The following ELAC2 variants were observed in gnomAD, a reference collection of about 807,000 sequenced individuals.
The protein encoded by ELAC2 is zinc phosphodiesterase ELAC protein 2.
A neutral mutation model predicts 105.2 loss-of-function variants in ELAC2; 92 were observed. The observed-to-expected ratio is 0.87, with a 90% CI of 0.74 to 1.04. The LOEUF (loss-of-function observed/expected upper bound fraction) is 1.04, where lower values mean the gene tolerates loss of function less well. ELAC2 is among the 50% of genes least tolerant of loss of function. The probability of loss-of-function intolerance (pLI) is 0.00; values close to 1 mark genes in which losing one functional copy is unlikely to be tolerated. For missense variants in ELAC2, 1,099 were observed against 1,071.7 expected (o/e 1.03, Z -0.36); for synonymous variants, 468 against 409.1 (o/e 1.14, Z -1.74).
rs759010548 is a variant in ELAC2, at chr17:12,992,149, TGATA to T, written c.*665_*668del. On this transcript the variant is annotated 3_prime_UTR_variant, in exon 24 of 24. Coordinates refer to ENST00000338034, the MANE Select transcript of ELAC2 (RefSeq NM_018127.7). ...TGATTTGATTGATTGATTGATTGATTGATAGAGAAAGCACGCCCTGCTGTGAGCT... is the reference window on the plus strand; with the variant it reads ...TGATTTGATTGATTGATTGATTGATTGAGAAAGCACGCCCTGCTGTGAGCT... Among the ~76,000 whole-genome samples, 100 of 130,070 alleles carry T rather than the reference TGATA, an allele frequency of 7.7e-4. No homozygotes were observed. The highest frequency in any genetic ancestry group is 4.3e-3 in the Middle Eastern group (1 of 232). The allele number at this position is 130,070 out of a possible 152,430, so 85.3% of individuals were successfully genotyped here.
intron 4 of ELAC2, among the ~76,000 whole-genome samples, chr17:13,014,930 G>A (rs570313862): frequency 6.6e-6 from 1 of 152,214 alleles, no homozygotes; most frequent in Non-Finnish European, 1.5e-5. Context: ...GCGGAAGGGC[G>A]AAAGTCCTGA....
At chr17:13,017,522 C>T in intron 1 of ELAC2, 181 bp downstream of exon 1, 1 of 1,267,888 alleles carries the variant, frequency 7.9e-7, no homozygotes, top group East Asian at 2.5e-5. Flanking sequence ...TTCACAGATC[C>T]GCAGAAATCA....
chr17:13,002,966 G>T (rs370363778), intron 12 of ELAC2, among the ~76,000 whole-genome samples: 3 of 152,140 alleles, frequency 2.0e-5, no homozygotes, highest in Non-Finnish European at 4.4e-5. Flanking sequence ...AGGTCACCCC[G>T]CACCCGAGCT....
intron 7 of ELAC2, among the ~76,000 whole-genome samples, chr17:13,010,941 C>T (rs1394242839): frequency 6.6e-6 from 1 of 152,128 alleles, no homozygotes; most frequent in Non-Finnish European, 1.5e-5. Context: ...ACACATTTCA[C>T]CTAGGACTGG....
intron 4 of ELAC2, 151 bp downstream of exon 4, chr17:13,015,616 AG>A (rs1445763797): frequency 1.4e-6 from 1 of 690,422 alleles, no homozygotes; most frequent in African/African-American, 1.8e-5. Context: ...ATAGTTAATC[AG>A]AACTCAAGTC....
Position 13,016,934 on chromosome 17 carries a change from T to A in ELAC2, c.297-2A>T, listed in dbSNP as rs996626765. 159 of 1,613,750 alleles carry A rather than the reference T, an allele frequency of 9.9e-5. No homozygotes were observed. Among genetic ancestry groups the A allele is most frequent in the Non-Finnish European group, 1.2e-4 (140 of 1,179,942 alleles). Reference sequence around the variant, plus strand: ...TTGTCCAGGCGAGCAACCTTTAACCTAAGAATGAAAAAACATTTAAACAGG... The same window carrying A: ...TTGTCCAGGCGAGCAACCTTTAACCAAAGAATGAAAAAACATTTAAACAGG... On this transcript the variant is annotated splice_acceptor_variant, in intron 2 of 23. Transcript: ENST00000338034. LOFTEE classifies it high-confidence loss of function.
intron 8 of ELAC2, chr17:13,006,510 A>T (rs1002310475): frequency 2.0e-4 from 33 of 165,908 alleles, no homozygotes; most frequent in African/African-American, 7.0e-4. Context: ...AATGACTTAA[A>T]TCAGTGTTTT....
chr17:13,001,500 T>A (rs528552445), intron 14 of ELAC2, among the ~76,000 whole-genome samples: 55 of 151,548 alleles, frequency 3.6e-4, no homozygotes, highest in Admixed American at 2.6e-3. Context: ...CTCAAAAAAA[T>A]AAATAAATAA....
chr17:13,008,613 A>G (rs1394653209), intron 8 of ELAC2, among the ~76,000 whole-genome samples: 3 of 152,202 alleles, frequency 2.0e-5, no homozygotes, highest in Non-Finnish European at 4.4e-5. Context: ...TGAGGAATGC[A>G]GAGTATCTGG....
intron 16 of ELAC2, among the ~76,000 whole-genome samples, chr17:12,997,454 T>G (rs1361234455): frequency 6.6e-6 from 1 of 151,734 alleles, no homozygotes; most frequent in African/African-American, 2.4e-5. Context: ...GAAAAAGGAG[T>G]CGGGAGGCGG....
chr17:12,992,420 A>T lies in ELAC2; in HGVS notation c.*398T>A. 1 of 371,270 alleles carries T rather than the reference A, an allele frequency of 2.7e-6. No homozygotes were observed. Among genetic ancestry groups the T allele is most frequent in the East Asian group, 4.4e-5 (1 of 22,536 alleles). The allele number at this position is 371,270 out of a possible 1,614,324, so 23.0% of individuals were successfully genotyped here. A position where few individuals can be genotyped will look rare whatever the true frequency, so the allele number is the denominator to read the frequency against. ...AAACTCAATCTTTATTGCAGCTGAA[A>T]TACTATTTTCGTTAAGTCTCGGACA... On this transcript the variant is annotated 3_prime_UTR_variant, in exon 24 of 24. Coordinates refer to ENST00000338034, the MANE Select transcript of ELAC2 (RefSeq NM_018127.7).
chr17:13,005,209 G>A (rs944177951), intron 10 of ELAC2, 108 bp from the exon 11 acceptor site: 2 of 832,014 alleles, frequency 2.4e-6, no homozygotes, highest in Non-Finnish European at 4.2e-6. Context: ...TGAGCTGAGA[G>A]GTAAACAAAG....
chr17:12,996,533 AG>A lies in ELAC2; in HGVS notation c.1659+13del, dbSNP rs753964584. On this transcript the variant is annotated intron_variant, in intron 17 of 23. Coordinates refer to ENST00000338034, the MANE Select transcript of ELAC2 (RefSeq NM_018127.7). ...CCTCCAGGCTCCAGCTTTGTGGTCCAGCCCAACACTCACCGTGTGGTGATCT... is the reference window on the plus strand; with the variant it reads ...CCTCCAGGCTCCAGCTTTGTGGTCCACCCAACACTCACCGTGTGGTGATCT... The A allele has an allele frequency of 2.5e-5, 41 of 1,613,630 alleles. No homozygotes were observed. The highest frequency in any genetic ancestry group is 1.6e-4 in the Middle Eastern group (1 of 6,084).
chr17:12,999,224 C>T (rs1427811626), intron 15 of ELAC2, among the ~76,000 whole-genome samples: 1 of 152,210 alleles, frequency 6.6e-6, no homozygotes, highest in Non-Finnish European at 1.5e-5. Context: ...AATGACATTT[C>T]TTTATGCTGG....
Position 12,992,672 on chromosome 17 carries a change from A to C in ELAC2, c.*146T>G, listed in dbSNP as rs1263995764. The C allele has an allele frequency of 1.9e-5, 18 of 955,952 alleles. No homozygotes were observed. Among genetic ancestry groups the C allele is most frequent in the Non-Finnish European group, 2.8e-5 (18 of 633,176 alleles). 59.2% of individuals were successfully genotyped at this position (955,952 alleles called of 1,614,324 possible). On this transcript the variant is annotated 3_prime_UTR_variant, in exon 24 of 24. Transcript: ENST00000338034. ...AGACTAGTGCTTATGTGGGAGCCCAAGCCTCGGCACAGCTCCATACCACCT... is the reference window on the plus strand; with the variant it reads ...AGACTAGTGCTTATGTGGGAGCCCACGCCTCGGCACAGCTCCATACCACCT...
At chr17:13,002,627 T>C (rs1350947093) in intron 12 of ELAC2, 48 bp from the exon 13 acceptor site, 1 of 1,564,306 alleles carries the variant, frequency 6.4e-7, no homozygotes, top group Non-Finnish European at 8.7e-7. Flanking sequence ...AGGAGGCAGC[T>C]CCCCCTGAGG....
At position 13,017,869 on chromosome 17, in the gene ELAC2, C is replaced by CGGGTGCCTGCGATATGGT; in HGVS notation, c.61_78dup (p.Thr21_Pro26dup). The CGGGTGCCTGCGATATGGT allele has an allele frequency of 6.4e-7, 1 of 1,551,080 alleles. No homozygotes were observed. ...TCCTTGCGCGGCCGCTCGCGGCGGGCGGGTGCCTGCGATATGGTGCGTCCC... is the reference window on the plus strand; with the variant it reads ...TCCTTGCGCGGCCGCTCGCGGCGGGCGGGTGCCTGCGATATGGTGGGTGCCTGCGATATGGTGCGTCCC... On this transcript the variant is annotated inframe_insertion, in exon 1 of 24. Transcript: ENST00000338034.
At chr17:13,017,441 C>A in intron 1 of ELAC2, 1 of 695,798 alleles carries the variant, frequency 1.4e-6, no homozygotes, top group Non-Finnish European at 2.4e-6. Context: ...GGGTGGAGCT[C>A]CGAAAGTGCT....
chr17:13,017,296 G>A (rs769696616), intron 1 of ELAC2, 175 bp from the exon 2 acceptor site: 7 of 712,664 alleles, frequency 9.8e-6, no homozygotes, highest in Non-Finnish European at 1.7e-5. Context: ...CTCCTTAGCA[G>A]AGGTGGAGAG....
Sources: allele counts gnomAD v4.1 joint callset (sites outside exome capture counted in the v4.1 genomes callset), GRCh38; gene constraint gnomAD v4.1.1; transcripts MANE v1.5; gene names NCBI Gene and HGNC (gene_info 2026-07-23, HGNC 2026-07-21).